The following FLI1 variants were observed in gnomAD, a reference collection of about 807,000 sequenced individuals.
FLI1 encodes the protein Friend leukemia integration 1 transcription factor.
Under a neutral mutation model 53.1 loss-of-function variants are expected in FLI1, and 13 were observed. The ratio of observed to expected loss-of-function variants is 0.24; its 90% CI spans 0.16 to 0.39. FLI1 has a LOEUF of 0.39. FLI1 is among the 10% of genes least tolerant of loss of function. The probability of loss-of-function intolerance (pLI) is 1.00; values close to 1 mark genes in which losing one functional copy is unlikely to be tolerated. For synonymous variants in FLI1, 244 were observed against 236.7 expected, an observed-to-expected ratio of 1.03 and a Z score of -0.28; for missense variants, 424 against 600.5, an observed-to-expected ratio of 0.71 and a Z score of 3.07.
Position 128,807,251 on chromosome 11 carries a change from G to C in FLI1, c.781+12G>C. On this transcript the variant is annotated intron_variant, in intron 7 of 8. Transcript: ENST00000527786. ...ACGGCCCCAGCCAGGTACCTGCCCAGGATATGTAATCTCTCCTTTGCTTCC... is the reference window on the plus strand; with the variant it reads ...ACGGCCCCAGCCAGGTACCTGCCCACGATATGTAATCTCTCCTTTGCTTCC... The C allele has an allele frequency of 6.3e-7, 1 of 1,591,608 alleles. No individual in the cohort carries two copies. Among genetic ancestry groups the C allele is most frequent in the Non-Finnish European group, 8.6e-7 (1 of 1,167,608 alleles).
intron 2 of FLI1, among the ~76,000 whole-genome samples, chr11:128,759,463 TA>T (rs1406228674): frequency 4.6e-5 from 7 of 152,304 alleles, no homozygotes; most frequent in Admixed American, 2.0e-4. Flanking sequence ...AAGAAGTTAG[TA>T]AAATATCCCA....
chr11:128,695,540 C>T (rs1036146048), intron 1 of FLI1, among the ~76,000 whole-genome samples: 2 of 152,226 alleles, frequency 1.3e-5, no homozygotes, highest in Non-Finnish European at 2.9e-5. Flanking sequence ...AGATTTTTAT[C>T]TTCTGGGTGG....
chr11:128,689,712 G>T (rs554795652), upstream of FLI1, among the ~76,000 whole-genome samples: 1 of 152,186 alleles, frequency 6.6e-6, no homozygotes, highest in Non-Finnish European at 1.5e-5. Flanking sequence ...TCTTGGATCC[G>T]CCACTGGGCG....
intron 1 of FLI1, among the ~76,000 whole-genome samples, chr11:128,700,035 G>T (rs1938257422): frequency 6.6e-6 from 1 of 152,218 alleles, no homozygotes; most frequent in Admixed American, 6.5e-5. Context: ...CCACATATGT[G>T]TGCCCTGCAG....
intron 5 of FLI1, among the ~76,000 whole-genome samples, chr11:128,791,343 A>G (rs905178295): frequency 2.0e-5 from 3 of 152,164 alleles, no homozygotes; most frequent in Admixed American, 6.5e-5. Flanking sequence ...CATCCGTCTC[A>G]GTCCCCACCC....
intron 1 of FLI1, among the ~76,000 whole-genome samples, chr11:128,735,067 G>A (rs1939863865): frequency 6.6e-6 from 1 of 152,118 alleles, no homozygotes; most frequent in African/African-American, 2.4e-5. Flanking sequence ...CAGAACCTTT[G>A]TTTCTTCATC....
intron 1 of FLI1, among the ~76,000 whole-genome samples, chr11:128,730,019 C>T (rs1290658200): frequency 1.3e-5 from 2 of 152,158 alleles, no homozygotes; most frequent in Non-Finnish European, 2.9e-5. Context: ...AATATCAGAA[C>T]ACAAAGTTCA....
At chr11:128,806,036 T>G (rs922111433) in intron 6 of FLI1, 6 of 151,970 alleles carry the variant, frequency 3.9e-5, no homozygotes, top group African/African-American at 1.4e-4. Context: ...CAAGAATGAC[T>G]CATGAACTCC....
chr11:128,740,500 A>G (rs1940088302), intron 1 of FLI1, among the ~76,000 whole-genome samples: 1 of 152,216 alleles, frequency 6.6e-6, no homozygotes, highest in African/African-American at 2.4e-5. Context: ...CATGGTTCCA[A>G]CATACTTTTA....
At chr11:128,797,743 CA>C (rs1333466129) in intron 5 of FLI1, among the ~76,000 whole-genome samples, 1 of 152,040 alleles carries the variant, frequency 6.6e-6, no homozygotes, top group Non-Finnish European at 1.5e-5. Flanking sequence ...CAATTAAATC[CA>C]ATAAGTTGGT....
chr11:128,805,582 C>T (rs936279520), intron 6 of FLI1, 151 bp downstream of exon 6: 1 of 589,936 alleles, frequency 1.7e-6, no homozygotes, highest in African/African-American at 1.9e-5. Context: ...AGGGCCTTTC[C>T]ATGATACCAG....
chr11:128,755,021 G>A (rs192413482), intron 1 of FLI1, among the ~76,000 whole-genome samples: 1 of 152,226 alleles, frequency 6.6e-6, no homozygotes, highest in East Asian at 1.9e-4. Context: ...ACTTCCTTAA[G>A]AAGTCTCTCC....
intron 5 of FLI1, among the ~76,000 whole-genome samples, chr11:128,786,613 C>T (rs1300479559): frequency 6.6e-6 from 1 of 152,146 alleles, no homozygotes; most frequent in Non-Finnish European, 1.5e-5. Context: ...TCTCTCCCGT[C>T]CTCCAGGCTG....
At chr11:128,716,620 C>T (rs1217627705) in intron 1 of FLI1, among the ~76,000 whole-genome samples, 2 of 152,126 alleles carry the variant, frequency 1.3e-5, no homozygotes, top group Non-Finnish European at 2.9e-5. Context: ...GGGATCTTAG[C>T]CGTGTGCCCA....
intron 4 of FLI1, among the ~76,000 whole-genome samples, chr11:128,780,618 C>T (rs527622774): frequency 6.6e-6 from 1 of 152,190 alleles, no homozygotes; most frequent in African/African-American, 2.4e-5. Context: ...TAAATAAATT[C>T]TCTTCCTCAT....
intron 7 of FLI1, among the ~76,000 whole-genome samples, chr11:128,807,702 C>T (rs937523026): frequency 7.2e-5 from 11 of 152,260 alleles, no homozygotes; most frequent in South Asian, 2.1e-4. Context: ...CTGGAGACTC[C>T]GTATTGGAGA....
At chr11:128,801,920 C>T (rs920027653) in intron 5 of FLI1, among the ~76,000 whole-genome samples, 1 of 152,066 alleles carries the variant, frequency 6.6e-6, no homozygotes, top group African/African-American at 2.4e-5. Context: ...AAATTAATTA[C>T]TGATTAAATT....
intron 2 of FLI1, among the ~76,000 whole-genome samples, chr11:128,765,729 T>C (rs192674659): frequency 6.6e-6 from 1 of 152,340 alleles, no homozygotes; most frequent in African/African-American, 2.4e-5. Flanking sequence ...GTTTCACAAC[T>C]GACAAGGATG....
chr11:128,738,398 T>G (rs143993567), intron 1 of FLI1, among the ~76,000 whole-genome samples: 1 of 152,214 alleles, frequency 6.6e-6, no homozygotes, highest in Non-Finnish European at 1.5e-5. Context: ...ACTCAAATGA[T>G]GCAAAGCCCG....
Sources: allele counts gnomAD v4.1 joint callset (sites outside exome capture counted in the v4.1 genomes callset), GRCh38; gene constraint gnomAD v4.1.1; transcripts MANE v1.5; gene names NCBI Gene and HGNC (gene_info 2026-07-23, HGNC 2026-07-21).